PLCB4: variants seen among roughly 807,000 people sequenced by gnomAD.
The protein encoded by PLCB4 is 1-phosphatidylinositol 4,5-bisphosphate phosphodiesterase beta-4.
In PLCB4, 77 loss-of-function variants were observed where a neutral mutation model predicts 178.8. The ratio of observed to expected loss-of-function variants is 0.43; its 90% CI spans 0.36 to 0.52. PLCB4 has a LOEUF of 0.52. PLCB4 is among the 20% of genes least tolerant of loss of function. The pLI is 0.00. For missense variants in PLCB4, 1,024 were observed against 1,453.4 expected (o/e 0.70, Z 4.80); for synonymous variants, 496 against 490.8 (o/e 1.01, Z -0.14).
chr20:9,461,127 T>C (rs1281516670), intron 35 of PLCB4, among the ~76,000 whole-genome samples: 1 of 152,228 alleles, frequency 6.6e-6, no homozygotes, highest in African/African-American at 2.4e-5. Flanking sequence ...CTAATCTTCT[T>C]TTACATTGTT....
chr20:9,136,583 TA>T (rs2146845013), intron 2 of PLCB4, among the ~76,000 whole-genome samples: 2 of 152,176 alleles, frequency 1.3e-5, no homozygotes, highest in East Asian at 3.9e-4. Context: ...GAAGGCTTTT[TA>T]AGTGTGGTTG....
At chr20:9,203,410 A>G (rs1358619640) in intron 2 of PLCB4, among the ~76,000 whole-genome samples, 1 of 152,186 alleles carries the variant, frequency 6.6e-6, no homozygotes, top group Non-Finnish European at 1.5e-5. Flanking sequence ...GACTTACAAT[A>G]AACTAAAATG....
chr20:9,321,500 G>A (rs956479266), intron 4 of PLCB4, among the ~76,000 whole-genome samples: 2 of 152,190 alleles, frequency 1.3e-5, no homozygotes, highest in African/African-American at 4.8e-5. Flanking sequence ...TAGACCATAA[G>A]TATTATACTA....
chr20:9,379,918 G>T lies in PLCB4; in HGVS notation c.745-136G>T, dbSNP rs1349131252. ...ATACTTTAAGGAGAAAGGCAGGAAG[G>T]CAGTGAGGTCCTATCTTTGTAATTA... is the stretch of plus-strand genomic sequence containing the variant. On this transcript the variant is annotated intron_variant, in intron 12 of 39. Coordinates refer to ENST00000378473, the MANE Select transcript of PLCB4 (RefSeq NM_001377142.1). The T allele has an allele frequency of 6.2e-5, 33 of 532,654 alleles. No individual in the cohort carries two copies. In the Admixed American group the frequency reaches 1.2e-3, roughly 19 times the overall value. 33.0% of individuals were successfully genotyped at this position (532,654 alleles called of 1,614,324 possible). A position where few individuals can be genotyped will look rare whatever the true frequency, so the allele number is the denominator to read the frequency against.
intron 3 of PLCB4, among the ~76,000 whole-genome samples, chr20:9,262,394 C>CT (rs1422822126): frequency 6.6e-6 from 1 of 152,076 alleles, no homozygotes; most frequent in African/African-American, 2.4e-5. Flanking sequence ...TCCTGGATGC[C>CT]TTCTGCAGGC....
At chr20:9,374,161 A>C (rs192026125) in intron 12 of PLCB4, among the ~76,000 whole-genome samples, 1 of 152,242 alleles carries the variant, frequency 6.6e-6, no homozygotes, top group East Asian at 1.9e-4. Flanking sequence ...TAAAGGTCGC[A>C]CTTTAGAAAC....
At chr20:9,365,890 T>A (rs1366819483) in intron 9 of PLCB4, among the ~76,000 whole-genome samples, 1 of 152,132 alleles carries the variant, frequency 6.6e-6, no homozygotes, top group African/African-American at 2.4e-5. Context: ...TGTGGAAGGG[T>A]GTGGACCGTG....
chr20:9,202,412 C>G (rs560432940), intron 2 of PLCB4, among the ~76,000 whole-genome samples: 21 of 152,228 alleles, frequency 1.4e-4, no homozygotes, highest in African/African-American at 5.1e-4. Flanking sequence ...TTTTTAAAAC[C>G]AGTTATACCT....
intron 3 of PLCB4, among the ~76,000 whole-genome samples, chr20:9,226,648 C>G (rs1365669974): frequency 6.6e-6 from 1 of 152,124 alleles, no homozygotes; most frequent in Non-Finnish European, 1.5e-5. Flanking sequence ...TCCTTCCTTT[C>G]CTATAGATGC....
At chr20:9,412,962 G>A (rs911838764) in intron 25 of PLCB4, among the ~76,000 whole-genome samples, 3 of 152,196 alleles carry the variant, frequency 2.0e-5, no homozygotes, top group Non-Finnish European at 1.5e-5. Flanking sequence ...GCTCAGTCAG[G>A]TTGAATGAGT....
At chr20:9,428,683 T>C (rs1369445331) in intron 28 of PLCB4, among the ~76,000 whole-genome samples, 1 of 152,110 alleles carries the variant, frequency 6.6e-6, no homozygotes, top group Non-Finnish European at 1.5e-5. Flanking sequence ...AAAGGATTTT[T>C]CTTCTGCCTG....
intron 2 of PLCB4, among the ~76,000 whole-genome samples, chr20:9,208,376 T>C (rs1332271823): frequency 6.6e-6 from 1 of 152,208 alleles, no homozygotes; most frequent in Non-Finnish European, 1.5e-5. Flanking sequence ...TTCTCATTGA[T>C]TGGTAGTTAT....
chr20:9,389,257 A>G (rs2037934798), intron 15 of PLCB4, among the ~76,000 whole-genome samples: 1 of 152,202 alleles, frequency 6.6e-6, no homozygotes, highest in South Asian at 2.1e-4. Context: ...TGGGGGGTCA[A>G]GAACACTTCT....
At chr20:9,472,160 C>A (rs1055176946) in intron 36 of PLCB4, among the ~76,000 whole-genome samples, 1 of 151,968 alleles carries the variant, frequency 6.6e-6, no homozygotes, top group Non-Finnish European at 1.5e-5. Context: ...GGGAAGAAAC[C>A]CAGACTATGT....
chr20:9,381,313 G>A (rs1268600333), intron 13 of PLCB4, among the ~76,000 whole-genome samples: 1 of 152,050 alleles, frequency 6.6e-6, no homozygotes, highest in South Asian at 2.1e-4. Flanking sequence ...TGGCCTCCTG[G>A]GCCTCAGTTT....
chr20:9,302,310 G>A (rs1392934127), intron 3 of PLCB4, among the ~76,000 whole-genome samples: 1 of 152,022 alleles, frequency 6.6e-6, no homozygotes, highest in Non-Finnish European at 1.5e-5. Context: ...GCAGTCACTG[G>A]GACTATAATG....
intron 7 of PLCB4, among the ~76,000 whole-genome samples, chr20:9,345,935 G>T (rs539162176): frequency 1.3e-5 from 2 of 152,042 alleles, no homozygotes; most frequent in Admixed American, 1.3e-4. Flanking sequence ...AATGGTTCCA[G>T]AAGAAGGAAT....
At chr20:9,272,035 G>A (rs1429284484) in intron 3 of PLCB4, among the ~76,000 whole-genome samples, 1 of 151,678 alleles carries the variant, frequency 6.6e-6, no homozygotes, top group Non-Finnish European at 1.5e-5. Context: ...AAATTGGCTG[G>A]GCGTGGTGGC....
intron 1 of PLCB4, among the ~76,000 whole-genome samples, chr20:9,072,998 A>G (rs1412827896): frequency 6.6e-6 from 1 of 152,192 alleles, no homozygotes; most frequent in Admixed American, 6.5e-5. Context: ...AGATAGTGTT[A>G]TCTTCTCCCC....
Sources: gnomAD v4.1 joint callset for allele counts (sites outside exome capture counted in the v4.1 genomes callset) on GRCh38, gnomAD v4.1.1 for gene constraint, MANE v1.5 for transcripts, NCBI Gene and HGNC (gene_info 2026-07-23, HGNC 2026-07-21) for gene names.